Variants in ENAH observed in about 807,000 individuals in gnomAD.
ENAH encodes protein enabled homolog.
A neutral mutation model predicts 78.7 loss-of-function variants in ENAH; 23 were observed. That is an observed-to-expected ratio of 0.29 (90% CI 0.21 to 0.41). The LOEUF is 0.41. Ranked by LOEUF, ENAH falls within the 10% of genes least tolerant of loss-of-function variation. The pLI is 1.00. For missense variants in ENAH, 544 were observed against 691.0 expected (o/e 0.79, Z 2.39); for synonymous variants, 226 against 241.0 (o/e 0.94, Z 0.58).
At chr1:225,610,744 C>A (rs2096983632) in intron 1 of ENAH, among the ~76,000 whole-genome samples, 1 of 152,150 alleles carries the variant, frequency 6.6e-6, no homozygotes, top group Non-Finnish European at 1.5e-5. Context: ...ATTATTTACA[C>A]CAATGGCGAC....
chr1:225,555,116 C>T (rs755858562), intron 2 of ENAH, 33 bp from the exon 3 acceptor site: 2 of 1,473,192 alleles, frequency 1.4e-6, no homozygotes, highest in Non-Finnish European at 9.2e-7. Context: ...AAAGTCAAAC[C>T]AATAATTGGC....
chr1:225,569,554 G>C (rs192267594), intron 1 of ENAH, among the ~76,000 whole-genome samples: 22 of 152,270 alleles, frequency 1.4e-4, no homozygotes, highest in Admixed American at 1.3e-3. Flanking sequence ...TTTGTAAACA[G>C]GTCACTTCAT....
rs553179142 is a variant in ENAH, at chr1:225,492,027, TAATGA to T, written c.*5743_*5747del. 1 of 152,164 alleles carries T rather than the reference TAATGA, an allele frequency of 6.6e-6. No homozygotes were observed. The highest frequency in any genetic ancestry group is 1.5e-5 in the Non-Finnish European group (1 of 68,042). The allele number at this position is 152,164 out of a possible 1,614,324, so 9.4% of individuals were successfully genotyped here. ...ATGTAGTCTAACAAACTGGGCTCTC[TAATGA>T]AATATGTAAGCTTTTCTAATAATTT... On this transcript the variant is annotated 3_prime_UTR_variant, in exon 14 of 14. Transcript: ENST00000366843.
At chr1:225,530,489 C>T in intron 4 of ENAH, 65 bp downstream of exon 4, 2 of 1,289,474 alleles carry the variant, frequency 1.6e-6, no homozygotes, top group Non-Finnish European at 2.3e-6. Context: ...ACTTTAAACA[C>T]AGGATGTTCA....
Position 225,652,687 on chromosome 1 carries a change from T to C in ENAH, c.4A>G (p.Ser2Gly). 1.5e-6 allele frequency: 2 copies of C among 1,312,988 alleles called. No individual in the cohort carries two copies. The highest frequency in any genetic ancestry group is 2.2e-5 in the South Asian group (1 of 45,414). The allele number at this position is 1,312,988 out of a possible 1,614,324, so 81.3% of individuals were successfully genotyped here. A position where few individuals can be genotyped will look rare whatever the true frequency, so the allele number is the denominator to read the frequency against. ...GCCCCCGCCCCGCGCGCCCCTCACC[T>C]CATGGTGCCGGCGGCGCAGAGGCTT... MSEQSICQARAA... is the reference protein window; with the variant it reads MGEQSICQARAA... The change falls in exon 1 of 14, where the codon AGT becomes GGT. Residue 2 changes from serine (S) to glycine (G), a missense_variant and splice_region_variant. Transcript: ENST00000366843.
rs1414913750 is a variant in ENAH, at chr1:225,495,650, A to G, written c.*2125T>C. On this transcript the variant is annotated 3_prime_UTR_variant, in exon 14 of 14. Coordinates refer to ENST00000366843, the MANE Select transcript of ENAH (RefSeq NM_018212.6). ...CTATTTAACTTACCCAACAAAATCA[A>G]AAGAGGTTGCTGACCAGATTTATAG... 3.9e-5 allele frequency: 6 copies of G among 152,522 alleles called. No homozygotes were observed. Among genetic ancestry groups the G allele is most frequent in the Admixed American group, 2.6e-4 (4 of 15,272 alleles). 9.4% of individuals were successfully genotyped at this position (152,522 alleles called of 1,614,324 possible).
chr1:225,633,661 C>A (rs779551077), intron 1 of ENAH, among the ~76,000 whole-genome samples: 1 of 152,192 alleles, frequency 6.6e-6, no homozygotes, highest in Non-Finnish European at 1.5e-5. Context: ...CGACATGAAT[C>A]TCATGGCTTA....
intron 1 of ENAH, among the ~76,000 whole-genome samples, chr1:225,601,192 CA>C (rs1378014911): frequency 2.6e-5 from 4 of 151,928 alleles, no homozygotes; most frequent in African/African-American, 9.7e-5. Context: ...AAAATATAAG[CA>C]AAAAAATTCA....
At chr1:225,582,571 C>T (rs1300198838) in intron 1 of ENAH, among the ~76,000 whole-genome samples, 1 of 152,124 alleles carries the variant, frequency 6.6e-6, no homozygotes, top group Non-Finnish European at 1.5e-5. Flanking sequence ...CAGGGCAATC[C>T]ATAGCTGCTG....
At chr1:225,530,980 T>C (rs1397072402) in intron 3 of ENAH, 1 of 402,052 alleles carries the variant, frequency 2.5e-6, no homozygotes, top group Non-Finnish European at 4.4e-6. Context: ...GACATTCTCT[T>C]TGGGGTAATT....
chr1:225,487,760 C>T lies in ENAH; in HGVS notation c.*10015G>A, dbSNP rs553500521. The T allele has an allele frequency of 2.0e-5, 3 of 152,292 alleles. No individual in the cohort carries two copies. The highest frequency in any genetic ancestry group is 2.0e-4 in the Admixed American group (3 of 15,302). The allele number at this position is 152,292 out of a possible 1,614,324, so 9.4% of individuals were successfully genotyped here. On this transcript the variant is annotated 3_prime_UTR_variant, in exon 14 of 14. Transcript: ENST00000366843. ...TCTGCATAATCTTTTGACATACATGCACACTTCTAGTTCTAAAATTCAGAG... is the reference window on the plus strand; with the variant it reads ...TCTGCATAATCTTTTGACATACATGTACACTTCTAGTTCTAAAATTCAGAG...
At chr1:225,585,475 T>C (rs974231988) in intron 1 of ENAH, among the ~76,000 whole-genome samples, 6 of 151,642 alleles carry the variant, frequency 4.0e-5, no homozygotes, top group African/African-American at 1.4e-4. Context: ...ATAGATGATA[T>C]GCTGGGCCAT....
intron 2 of ENAH, among the ~76,000 whole-genome samples, chr1:225,557,837 TATAA>T (rs1364543316): frequency 1.3e-5 from 2 of 152,154 alleles, no homozygotes; most frequent in Admixed American, 6.5e-5. Context: ...TAAATAAATA[TATAA>T]ATAAATAAAT....
chr1:225,567,332 T>G lies in ENAH; in HGVS notation c.88A>C (p.Thr30Pro). 1 of 1,614,138 alleles carries G rather than the reference T, an allele frequency of 6.2e-7. No homozygotes were observed. The highest frequency in any genetic ancestry group is 8.5e-7 in the Non-Finnish European group (1 of 1,179,976). ...NKKWVPAGGS[T>P]GFSRVHIYHH... ...TAGATATGAACTCTGCTGAATCCAGTTGAGCCACCAGCTGGCACCCACTTC... is the reference window on the plus strand; with the variant it reads ...TAGATATGAACTCTGCTGAATCCAGGTGAGCCACCAGCTGGCACCCACTTC... The change falls in exon 2 of 14, where the codon ACT (threonine) becomes CCT (proline). Residue 30 changes from threonine to proline, a missense_variant. Around this residue, in one of 4 missense-constraint regions of ENAH, gnomAD observed 77 missense variants for 151.8 expected, o/e 0.51. Coordinates refer to ENST00000366843, the MANE Select transcript of ENAH (RefSeq NM_018212.6).
At chr1:225,571,832 C>T (rs564219674) in intron 1 of ENAH, among the ~76,000 whole-genome samples, 7 of 152,106 alleles carry the variant, frequency 4.6e-5, no homozygotes, top group East Asian at 1.9e-4. Context: ...CTGGGAGAGT[C>T]GCACTTGGAA....
intron 4 of ENAH, among the ~76,000 whole-genome samples, chr1:225,524,109 A>G (rs923380091): frequency 3.9e-5 from 6 of 152,234 alleles, no homozygotes; most frequent in African/African-American, 1.4e-4. Context: ...CATTTAAAAA[A>G]TATCAGACAC....
intron 1 of ENAH, among the ~76,000 whole-genome samples, chr1:225,623,237 T>C (rs1038245717): frequency 5.3e-5 from 8 of 152,194 alleles, no homozygotes; most frequent in Admixed American, 6.5e-5. Flanking sequence ...TTCATTCCCT[T>C]GTTTTTCTAA....
At chr1:225,553,372 A>G (rs964351868) in intron 3 of ENAH, among the ~76,000 whole-genome samples, 1 of 152,362 alleles carries the variant, frequency 6.6e-6, no homozygotes, top group Admixed American at 6.5e-5. Flanking sequence ...AACTACTTTT[A>G]AAAAAGGAAC....
At chr1:225,618,813 A>G (rs537003010) in intron 1 of ENAH, among the ~76,000 whole-genome samples, 1 of 152,314 alleles carries the variant, frequency 6.6e-6, no homozygotes, top group South Asian at 2.1e-4. Flanking sequence ...AAAAAATTCC[A>G]AAGGATTCTA....
Sources: allele counts gnomAD v4.1 joint callset (sites outside exome capture counted in the v4.1 genomes callset), GRCh38; gene constraint gnomAD v4.1.1; regional missense constraint gnomAD v4.1.1; transcripts MANE v1.5; gene names NCBI Gene and HGNC (gene_info 2026-07-23, HGNC 2026-07-21).